PIK3C2A: variants seen among roughly 807,000 people sequenced by gnomAD.
PIK3C2A encodes the protein phosphatidylinositol 4-phosphate 3-kinase C2 domain-containing subunit alpha.
Under a neutral mutation model 204.5 loss-of-function variants are expected in PIK3C2A, and 97 were observed. The ratio of observed to expected loss-of-function variants is 0.47; its 90% CI spans 0.40 to 0.56. PIK3C2A has a LOEUF of 0.56. PIK3C2A is among the 20% of genes least tolerant of loss of function. The probability of loss-of-function intolerance (pLI) is 0.00; values close to 1 mark genes in which losing one functional copy is unlikely to be tolerated. For synonymous variants in PIK3C2A, 653 were observed against 664.4 expected (o/e 0.98, Z 0.26); for missense variants, 1,735 against 1,969.2 (o/e 0.88, Z 2.25).
chr11:17,153,755 A>T (rs1003130001), intron 3 of PIK3C2A, among the ~76,000 whole-genome samples: 1 of 152,264 alleles, frequency 6.6e-6, no homozygotes, highest in Non-Finnish European at 1.5e-5. Context: ...TTCACAGCTG[A>T]ATTTAAATGA....
At chr11:17,126,967 T>G (rs1391317662) in intron 13 of PIK3C2A, among the ~76,000 whole-genome samples, 1 of 152,130 alleles carries the variant, frequency 6.6e-6, no homozygotes, top group African/African-American at 2.4e-5. Context: ...TTTTCAGAAT[T>G]TATTTATAAA....
At chr11:17,191,890 T>C (rs1352652457) in intron 1 of PIK3C2A, among the ~76,000 whole-genome samples, 1 of 151,828 alleles carries the variant, frequency 6.6e-6, no homozygotes, top group African/African-American at 2.4e-5. Context: ...ACGAACACTT[T>C]GGGACGTCAA....
intron 22 of PIK3C2A, among the ~76,000 whole-genome samples, chr11:17,106,758 T>C (rs1286934707): frequency 6.6e-6 from 1 of 152,116 alleles, no homozygotes; most frequent in Non-Finnish European, 1.5e-5. Flanking sequence ...ACTATTTTAA[T>C]TACAAACAAG....
chr11:17,173,573 A>T (rs534562645), intron 1 of PIK3C2A, among the ~76,000 whole-genome samples: 36 of 152,338 alleles, frequency 2.4e-4, no homozygotes, highest in Admixed American at 7.8e-4. Flanking sequence ...CCTTTCATTT[A>T]TGCAGGCCAG....
At chr11:17,119,655 T>A in intron 16 of PIK3C2A, 131 bp downstream of exon 16, 1 of 574,948 alleles carries the variant, frequency 1.7e-6, no homozygotes, top group Admixed American at 3.7e-5. Context: ...TATGTTTGTA[T>A]AAATATACAT....
chr11:17,168,819 A>G lies in PIK3C2A; in HGVS notation c.923T>C (p.Leu308Pro), dbSNP rs1851059746. 1.2e-6 allele frequency: 2 copies of G among 1,614,110 alleles called. No individual in the cohort carries two copies. Among genetic ancestry groups the G allele is most frequent in the Non-Finnish European group, 1.7e-6 (2 of 1,179,982 alleles). ...ATTTGCTGTCGATCTCTCTTCAAGA[A>G]GAACAGCATCCCAAGGATCCTTTGC... ...LLAKDPWDAV[L>P]LEERSTANCH... The change falls in exon 2 of 33, where the codon CTT becomes CCT. Residue 308 changes from leucine (L) to proline (P), a missense_variant. Transcript: ENST00000691414.
At chr11:17,192,792 A>T (rs1851986211) in intron 1 of PIK3C2A, among the ~76,000 whole-genome samples, 2 of 152,250 alleles carry the variant, frequency 1.3e-5, no homozygotes, top group African/African-American at 4.8e-5. Flanking sequence ...AACCTTTTAT[A>T]GCAAATACAG....
At chr11:17,105,127 T>C (rs756559989) in intron 23 of PIK3C2A, 42 bp downstream of exon 23, 2 of 1,541,978 alleles carry the variant, frequency 1.3e-6, no homozygotes, top group South Asian at 2.3e-5. Flanking sequence ...CTGTAACACA[T>C]TTTTGACAAA....
rs573333432 is a variant in PIK3C2A at position 17,093,033 on chromosome 11, A to G, written c.4452-757T>C. The stretch of plus-strand genomic sequence containing the variant: ...CATAAGGCCTAAGTAAGGTGCTGAA[A>G]GGATAATCTTAATTCCACTTATTTT... On this transcript the variant is annotated intron_variant, in intron 28 of 32. Coordinates refer to ENST00000691414, the MANE Select transcript of PIK3C2A (RefSeq NM_002645.4). Among the ~76,000 whole-genome samples the G allele has an allele frequency of 2.0e-5, 3 of 152,332 alleles. No homozygotes were observed. The South Asian group carries it at 6.2e-4, about 32-fold the overall frequency.
chr11:17,145,648 A>C lies in PIK3C2A; in HGVS notation c.1704+20T>G, dbSNP rs199769424. 3.4e-3 allele frequency: 5,095 copies of C among 1,500,012 alleles called. 9 individuals are homozygous for C. Among genetic ancestry groups the C allele is most frequent in the Non-Finnish European group, 4.2e-3 (4,582 of 1,083,318 alleles). 92.9% of individuals were successfully genotyped at this position (1,500,012 alleles called of 1,614,324 possible). On this transcript the variant is annotated intron_variant, in intron 8 of 32. Transcript: ENST00000691414. ...CAAGAATCTTTAAGTCATTATGCCA[A>C]AATGTGAATTAAGACTTACTTCAAT...
At chr11:17,175,051 C>T (rs1258965421) in intron 1 of PIK3C2A, among the ~76,000 whole-genome samples, 2 of 152,178 alleles carry the variant, frequency 1.3e-5, no homozygotes, top group Non-Finnish European at 2.9e-5. Flanking sequence ...CAATGTAACA[C>T]TATTCTGAAA....
intron 27 of PIK3C2A, among the ~76,000 whole-genome samples, chr11:17,095,055 C>A (rs900943696): frequency 3.9e-5 from 6 of 152,094 alleles, no homozygotes; most frequent in African/African-American, 1.4e-4. Flanking sequence ...TAGAGACCAG[C>A]CTGTGCAACA....
intron 8 of PIK3C2A, among the ~76,000 whole-genome samples, chr11:17,139,358 G>C: frequency 6.6e-6 from 1 of 152,036 alleles, no homozygotes; most frequent in East Asian, 1.9e-4. Flanking sequence ...CTCCCGAGAA[G>C]GTGGGATTAC....
At chr11:17,201,642 C>CACT (rs1852389345) in intron 1 of PIK3C2A, among the ~76,000 whole-genome samples, 1 of 151,462 alleles carries the variant, frequency 6.6e-6, no homozygotes, top group Non-Finnish European at 1.5e-5. Flanking sequence ...ATTGAAATAA[C>CACT]ACTATCCTTA....
intron 1 of PIK3C2A, among the ~76,000 whole-genome samples, chr11:17,200,988 T>C (rs1852353001): frequency 6.6e-6 from 1 of 151,344 alleles, no homozygotes; most frequent in African/African-American, 2.4e-5. Flanking sequence ...GGCGGATCAC[T>C]TCAGGTCAGG....
At chr11:17,100,091 G>T (rs1848573852) in intron 25 of PIK3C2A, 122 bp from the exon 26 acceptor site, 2 of 534,602 alleles carry the variant, frequency 3.7e-6, no homozygotes, top group Middle Eastern at 7.4e-4. Context: ...GTCTTGAGGG[G>T]TTCATTAGTG....
chr11:17,116,988 T>C (rs1408932161), intron 19 of PIK3C2A, among the ~76,000 whole-genome samples: 1 of 152,216 alleles, frequency 6.6e-6, no homozygotes, highest in Non-Finnish European at 1.5e-5. Context: ...CAATGGAATA[T>C]TATTCAACCA....
intron 1 of PIK3C2A, among the ~76,000 whole-genome samples, chr11:17,177,855 G>A (rs1238732985): frequency 6.6e-6 from 1 of 152,096 alleles, no homozygotes; most frequent in African/African-American, 2.4e-5. Context: ...CACTTTGGGA[G>A]GCCAAGGCAG....
intron 2 of PIK3C2A, among the ~76,000 whole-genome samples, chr11:17,167,063 T>C (rs988496010): frequency 5.3e-5 from 8 of 151,992 alleles, no homozygotes; most frequent in Non-Finnish European, 1.0e-4. Flanking sequence ...CTCAACCTCC[T>C]GGTCTCACAC....
Sources: allele counts gnomAD v4.1 joint callset (sites outside exome capture counted in the v4.1 genomes callset), GRCh38; gene constraint gnomAD v4.1.1; transcripts MANE v1.5; gene names NCBI Gene and HGNC (gene_info 2026-07-23, HGNC 2026-07-21).